GSAP: variants seen among roughly 807,000 people sequenced by gnomAD.
The protein encoded by GSAP is gamma-secretase activating protein.
GSAP carries 118 observed loss-of-function variants against 131.7 expected under a neutral mutation model. The observed-to-expected ratio is 0.90, with a 90% CI of 0.77 to 1.04. GSAP has a LOEUF of 1.04. Among genes scored for constraint, GSAP ranks in the 50% least tolerant of loss-of-function variants. The pLI is 0.00. For missense variants in GSAP, 1,019 were observed against 1,013.2 expected, an observed-to-expected ratio of 1.01 and a Z score of -0.08; for synonymous variants, 381 against 363.4, an observed-to-expected ratio of 1.05 and a Z score of -0.55.
At chr7:77,409,582 T>C (rs1336411240) in intron 1 of GSAP, among the ~76,000 whole-genome samples, 1 of 152,216 alleles carries the variant, frequency 6.6e-6, no homozygotes, top group Non-Finnish European at 1.5e-5. Context: ...AGGCAGATAT[T>C]GTAGACATCT....
At chr7:77,313,781 G>A (rs922755089) in intron 27 of GSAP, among the ~76,000 whole-genome samples, 4 of 152,062 alleles carry the variant, frequency 2.6e-5, no homozygotes, top group Non-Finnish European at 4.4e-5. Context: ...TAAAACAGAA[G>A]GTACCTTGAG....
intron 19 of GSAP, among the ~76,000 whole-genome samples, chr7:77,333,578 G>A (rs1055505933): frequency 2.6e-5 from 4 of 152,066 alleles, no homozygotes; most frequent in South Asian, 4.2e-4. Context: ...AAGTAATCCC[G>A]GGCACCCCAC....
intron 3 of GSAP, among the ~76,000 whole-genome samples, 167 bp from the exon 4 acceptor site, chr7:77,397,582 CA>C (rs1199334373): frequency 3.3e-5 from 5 of 151,658 alleles, no homozygotes; most frequent in African/African-American, 1.2e-4. Context: ...TACTCTTTAC[CA>C]AAAAAAAGTT....
intron 16 of GSAP, among the ~76,000 whole-genome samples, chr7:77,354,562 G>A (rs563010214): frequency 6.6e-6 from 1 of 152,144 alleles, no homozygotes; most frequent in Non-Finnish European, 1.5e-5. Context: ...GTGCTTTTAT[G>A]CATGAAAAAT....
intron 5 of GSAP, among the ~76,000 whole-genome samples, chr7:77,396,665 A>T (rs1800447397): frequency 6.6e-6 from 1 of 152,132 alleles, no homozygotes; most frequent in Non-Finnish European, 1.5e-5. Flanking sequence ...GAAAAGATGC[A>T]TTCTTGACTT....
At chr7:77,346,252 G>A (rs28589693) in intron 19 of GSAP, among the ~76,000 whole-genome samples, 16,967 of 110,558 alleles carry the variant, frequency 0.15, 1,719 homozygotes, top group East Asian at 0.44. Flanking sequence ...CCTGGGCAAC[G>A]AGAATGAGAC....
At position 77,364,955 on chromosome 7, in the gene GSAP, A is replaced by T. The variant is rs563576026; in HGVS notation, c.872-2295T>A. Among the ~76,000 whole-genome samples the T allele has an allele frequency of 2.6e-5, 4 of 152,236 alleles. No homozygotes were observed. In the South Asian group the frequency reaches 8.3e-4, roughly 32 times the overall value. Reference sequence around the variant, plus strand: ...TCACTGAACACTCAAAATGTGGATAATATGACTGAAGCACTATTTATCTGA... The same window carrying T: ...TCACTGAACACTCAAAATGTGGATATTATGACTGAAGCACTATTTATCTGA... On this transcript the variant is annotated intron_variant, in intron 12 of 30. Transcript: ENST00000257626.
intron 13 of GSAP, 68 bp from the exon 14 acceptor site, chr7:77,360,969 C>T (rs1794450051): frequency 1.2e-6 from 1 of 839,662 alleles, no homozygotes; most frequent in Middle Eastern, 2.3e-4. Flanking sequence ...AAGGCAGTGA[C>T]TATGTAACAC....
chr7:77,343,367 GGACTACGC>G (rs1413316864), intron 19 of GSAP, among the ~76,000 whole-genome samples: 1 of 152,158 alleles, frequency 6.6e-6, no homozygotes, highest in African/African-American at 2.4e-5. Context: ...TCTTGCAAAA[GGACTACGC>G]ATCAATATTT....
At chr7:77,331,106 G>A (rs1197655050) in intron 19 of GSAP, among the ~76,000 whole-genome samples, 1 of 152,088 alleles carries the variant, frequency 6.6e-6, no homozygotes, top group African/African-American at 2.4e-5. Flanking sequence ...GAAGTCAGGA[G>A]ATCGAGACCA....
chr7:77,314,718 G>A, intron 26 of GSAP: 1 of 428,056 alleles, frequency 2.3e-6, no homozygotes. Flanking sequence ...TGCTCCTTGG[G>A]TCTCTTCCTG....
intron 19 of GSAP, among the ~76,000 whole-genome samples, chr7:77,339,592 G>A (rs1790579889): frequency 6.6e-6 from 1 of 152,128 alleles, no homozygotes; most frequent in African/African-American, 2.4e-5. Context: ...AATGATGAAT[G>A]GGAAACAACT....
At chr7:77,312,879 C>T (rs17805936) in intron 28 of GSAP, among the ~76,000 whole-genome samples, 12,431 of 152,206 alleles carry the variant, frequency 0.082, 716 homozygotes, top group Non-Finnish European at 0.11. Flanking sequence ...GTTAGAGGCT[C>T]GGAAGACCTT....
chr7:77,398,973 C>T (rs10257179), intron 3 of GSAP, among the ~76,000 whole-genome samples: 18,738 of 152,216 alleles, frequency 0.12, 1,653 homozygotes, highest in East Asian at 0.41. Flanking sequence ...GGAGAGACTT[C>T]TGTACCAGTA....
chr7:77,330,405 G>C, intron 19 of GSAP, 38 bp from the exon 20 acceptor site: 2 of 1,603,808 alleles, frequency 1.2e-6, no homozygotes, highest in Non-Finnish European at 1.7e-6. Context: ...TTCAGAGGCA[G>C]GCCCAGTGGC....
chr7:77,400,766 C>T (rs538182100), intron 3 of GSAP, among the ~76,000 whole-genome samples: 6 of 152,102 alleles, frequency 3.9e-5, no homozygotes, highest in African/African-American at 9.6e-5. Flanking sequence ...GGCACAAACA[C>T]TGAGATAACA....
intron 11 of GSAP, among the ~76,000 whole-genome samples, chr7:77,374,610 G>GA (rs919232873): frequency 7.1e-6 from 1 of 141,674 alleles, no homozygotes; most frequent in African/African-American, 2.6e-5. Flanking sequence ...GTGGGAAAAG[G>GA]AAAAAAACCT....
chr7:77,349,890 T>C (rs1792524934), intron 18 of GSAP, among the ~76,000 whole-genome samples: 1 of 152,152 alleles, frequency 6.6e-6, no homozygotes, highest in Non-Finnish European at 1.5e-5. Context: ...CTGTACCTCA[T>C]TGTCCTCTGT....
chr7:77,366,201 G>T (rs1301859312), intron 12 of GSAP, among the ~76,000 whole-genome samples: 2 of 152,016 alleles, frequency 1.3e-5, no homozygotes, highest in African/African-American at 2.4e-5. Flanking sequence ...GGTTTACTCT[G>T]TTAGTTTCTT....
Sources: gnomAD v4.1 joint callset for allele counts (sites outside exome capture counted in the v4.1 genomes callset) on GRCh38, gnomAD v4.1.1 for gene constraint, MANE v1.5 for transcripts, NCBI Gene and HGNC (gene_info 2026-07-23, HGNC 2026-07-21) for gene names.